Variants in ANKS1B observed in about 807,000 individuals in gnomAD.
ANKS1B encodes ankyrin repeat and sterile alpha motif domain containing 1B.
A neutral mutation model predicts 148.3 loss-of-function variants in ANKS1B; 36 were observed. That is an observed-to-expected ratio of 0.24 (90% confidence interval 0.19 to 0.32). ANKS1B has a LOEUF of 0.32. ANKS1B is among the 10% of genes least tolerant of loss of function. ANKS1B has a pLI of 1.00. For synonymous variants in ANKS1B, 542 were observed against 560.8 expected (o/e 0.97, Z 0.47); for missense variants, 1,157 against 1,542.6 (o/e 0.75, Z 4.19).
At chr12:99,717,316 A>G (rs2057456947) in intron 8 of ANKS1B, among the ~76,000 whole-genome samples, 1 of 152,242 alleles carries the variant, frequency 6.6e-6, no homozygotes, top group Admixed American at 6.5e-5. Flanking sequence ...GAGGCAGCCA[A>G]GTAGCAACAT....
At chr12:99,218,950 C>T (rs1158240731) in intron 14 of ANKS1B, among the ~76,000 whole-genome samples, 2 of 152,216 alleles carry the variant, frequency 1.3e-5, no homozygotes, top group Middle Eastern at 3.2e-3. Flanking sequence ...ACGTATTATA[C>T]ATAAACATGA....
At chr12:99,980,173 G>A (rs1258431240) in intron 1 of ANKS1B, among the ~76,000 whole-genome samples, 1 of 151,596 alleles carries the variant, frequency 6.6e-6, no homozygotes, top group Non-Finnish European at 1.5e-5. Context: ...AAAAATACCA[G>A]GAAATTTTAA....
chr12:98,783,558 T>G (rs1335504908), intron 22 of ANKS1B, among the ~76,000 whole-genome samples: 2 of 152,176 alleles, frequency 1.3e-5, no homozygotes, highest in Non-Finnish European at 2.9e-5. Context: ...GGGCCAGTCT[T>G]CATTCATTCA....
chr12:98,940,203 AC>A (rs1458752375), intron 17 of ANKS1B, among the ~76,000 whole-genome samples: 2 of 151,666 alleles, frequency 1.3e-5, no homozygotes, highest in Non-Finnish European at 2.9e-5. Context: ...TCTCCTAACC[AC>A]CTCTTTCTCC....
chr12:98,948,744 C>G (rs182281578), intron 17 of ANKS1B, among the ~76,000 whole-genome samples: 39 of 149,470 alleles, frequency 2.6e-4, no homozygotes, highest in Admixed American at 1.5e-3. Context: ...CTCTCTCTCT[C>G]TCTCTGTCTC....
At chr12:99,697,524 C>T (rs1276860923) in intron 8 of ANKS1B, among the ~76,000 whole-genome samples, 1 of 152,082 alleles carries the variant, frequency 6.6e-6, no homozygotes, top group Non-Finnish European at 1.5e-5. Flanking sequence ...ATATGACATT[C>T]TGAAAAGGCA....
chr12:99,276,339 C>A (rs1295651747), intron 12 of ANKS1B, among the ~76,000 whole-genome samples: 1 of 152,040 alleles, frequency 6.6e-6, no homozygotes, highest in Non-Finnish European at 1.5e-5. Context: ...GATATAGGCC[C>A]TTTAAAGTGA....
intron 1 of ANKS1B, among the ~76,000 whole-genome samples, chr12:99,868,828 C>T (rs1313417894): frequency 3.9e-5 from 6 of 152,138 alleles, no homozygotes; most frequent in African/African-American, 1.2e-4. Context: ...GAGGCCGAGG[C>T]GGGCAGATCA....
chr12:99,681,239 C>T (rs1028103356), intron 8 of ANKS1B, among the ~76,000 whole-genome samples: 11 of 152,128 alleles, frequency 7.2e-5, no homozygotes, highest in African/African-American at 2.7e-4. Context: ...CCAACTCAAG[C>T]CATTACAGCA....
At chr12:98,905,220 T>A (rs11109661) in intron 17 of ANKS1B, among the ~76,000 whole-genome samples, 56,368 of 152,092 alleles carry the variant, frequency 0.37, 11,666 homozygotes, top group Middle Eastern at 0.54. Context: ...CTCCAAGATC[T>A]GTGTATTTTC....
At chr12:99,201,968 A>T (rs1242794062) in intron 14 of ANKS1B, among the ~76,000 whole-genome samples, 2 of 148,070 alleles carry the variant, frequency 1.4e-5, no homozygotes, top group Admixed American at 1.4e-4. Flanking sequence ...AACATCTATT[A>T]TATATGTACC....
chr12:99,385,944 G>A (rs2093841072), intron 12 of ANKS1B, among the ~76,000 whole-genome samples: 1 of 152,180 alleles, frequency 6.6e-6, no homozygotes, highest in South Asian at 2.1e-4. Context: ...TAGGAACCGA[G>A]AGGTTTGTTT....
intron 8 of ANKS1B, among the ~76,000 whole-genome samples, chr12:99,691,458 T>G (rs2098678944): frequency 6.6e-6 from 1 of 152,174 alleles, no homozygotes; most frequent in Admixed American, 6.5e-5. Flanking sequence ...TGCTTAGAAA[T>G]TTCTTCCATC....
chr12:98,983,734 G>A (rs1036773082), intron 17 of ANKS1B, among the ~76,000 whole-genome samples: 9 of 152,150 alleles, frequency 5.9e-5, no homozygotes, highest in Non-Finnish European at 1.2e-4. Context: ...TAAACCAGAT[G>A]GAATATAAAA....
chr12:99,643,088 T>G (rs1380507015), intron 9 of ANKS1B, among the ~76,000 whole-genome samples: 1 of 152,220 alleles, frequency 6.6e-6, no homozygotes, highest in Admixed American at 6.5e-5. Flanking sequence ...AGGCTCTACA[T>G]ACTAGAATTT....
chr12:99,458,731 C>T (rs1219022796), intron 10 of ANKS1B, among the ~76,000 whole-genome samples: 2 of 151,742 alleles, frequency 1.3e-5, no homozygotes, highest in Admixed American at 6.6e-5. Context: ...AAACTCTGAA[C>T]AGACCAACAA....
At chr12:99,467,218 G>A (rs1001410549) in intron 10 of ANKS1B, among the ~76,000 whole-genome samples, 4 of 152,114 alleles carry the variant, frequency 2.6e-5, no homozygotes, top group African/African-American at 7.2e-5. Context: ...ATGCAGAAAA[G>A]GCCTTTGACA....
chr12:99,628,554 C>A (rs1274876162), intron 9 of ANKS1B, among the ~76,000 whole-genome samples: 1 of 152,158 alleles, frequency 6.6e-6, no homozygotes, highest in Non-Finnish European at 1.5e-5. Context: ...AAAACATTTT[C>A]TCATCTGAAA....
At position 98,920,837 on chromosome 12, in the gene ANKS1B, T is replaced by A. The variant is rs1393616036; in HGVS notation, c.2779-88701A>T. On this transcript the variant is annotated intron_variant, in intron 17 of 26. Coordinates refer to ENST00000683438, the MANE Select transcript of ANKS1B (RefSeq NM_001352186.2). ...TTTAAATCATTGATCTCAATGGATATCTTATACCTGAAAATTTGCTGTTTT... is the reference window on the plus strand; with the variant it reads ...TTTAAATCATTGATCTCAATGGATAACTTATACCTGAAAATTTGCTGTTTT... Among the ~76,000 whole-genome samples, 3 of 152,216 alleles carry A rather than the reference T, an allele frequency of 2.0e-5. No homozygotes were observed. The South Asian group carries it at 6.2e-4, about 32-fold the overall frequency.
Sources: gnomAD v4.1 joint callset for allele counts (sites outside exome capture counted in the v4.1 genomes callset) on GRCh38, gnomAD v4.1.1 for gene constraint, MANE v1.5 for transcripts, NCBI Gene and HGNC (gene_info 2026-07-23, HGNC 2026-07-21) for gene names.